ABTB2: variants seen among roughly 807,000 people sequenced by gnomAD.
The protein encoded by ABTB2 is ankyrin repeat and BTB/POZ domain-containing protein 2.
Under a neutral mutation model 104.1 loss-of-function variants are expected in ABTB2, and 56 were observed. The observed-to-expected ratio is 0.54, with a 90% CI of 0.43 to 0.67. ABTB2 has a LOEUF of 0.67. ABTB2 is among the 30% of genes least tolerant of loss of function. The probability of loss-of-function intolerance (pLI) is 0.00; values close to 1 mark genes in which losing one functional copy is unlikely to be tolerated. For synonymous variants in ABTB2, 606 were observed against 608.2 expected, an observed-to-expected ratio of 1.00 and a Z score of 0.05; for missense variants, 1,279 against 1,407.7, an observed-to-expected ratio of 0.91 and a Z score of 1.46.
chr11:34,188,596 G>C (rs545702352), intron 3 of ABTB2, among the ~76,000 whole-genome samples: 1 of 152,234 alleles, frequency 6.6e-6, no homozygotes, highest in Admixed American at 6.5e-5. Flanking sequence ...CTTCCATTTT[G>C]GGTAAACAGA....
intron 1 of ABTB2, among the ~76,000 whole-genome samples, chr11:34,232,576 C>T (rs906672769): frequency 6.6e-6 from 1 of 152,160 alleles, no homozygotes; most frequent in African/African-American, 2.4e-5. Flanking sequence ...CTTCTGAAGC[C>T]CCACCACAAT....
intron 1 of ABTB2, among the ~76,000 whole-genome samples, chr11:34,219,350 A>G (rs911499): frequency 0.77 from 116,265 of 151,962 alleles, 44,935 homozygotes; most frequent in East Asian, 0.86. Context: ...TTCAAAGCCA[A>G]CCTGGGCAAC....
At chr11:34,196,118 C>A (rs190722605) in intron 3 of ABTB2, among the ~76,000 whole-genome samples, 1 of 152,178 alleles carries the variant, frequency 6.6e-6, no homozygotes, top group African/African-American at 2.4e-5. Flanking sequence ...CATGGACAGA[C>A]CTTACCTTAA....
At chr11:34,197,569 G>A (rs1440949777) in intron 2 of ABTB2, 31 bp from the exon 3 acceptor site, 9 of 1,431,336 alleles carry the variant, frequency 6.3e-6, no homozygotes, top group African/African-American at 2.8e-5. Context: ...CAGAGGGGAG[G>A]AAGAGAAAAA....
chr11:34,313,273 G>T (rs1854880657), intron 1 of ABTB2, among the ~76,000 whole-genome samples: 1 of 152,220 alleles, frequency 6.6e-6, no homozygotes, highest in Non-Finnish European at 1.5e-5. Flanking sequence ...CGCTTCTGGT[G>T]CTGGCTCTGA....
At chr11:34,221,771 G>C (rs1389022283) in intron 1 of ABTB2, among the ~76,000 whole-genome samples, 1 of 152,232 alleles carries the variant, frequency 6.6e-6, no homozygotes, top group Non-Finnish European at 1.5e-5. Flanking sequence ...GGGTGCAGTG[G>C]GTCATGCCTA....
chr11:34,216,319 C>A (rs994012354), intron 1 of ABTB2, among the ~76,000 whole-genome samples: 2 of 152,174 alleles, frequency 1.3e-5, no homozygotes, highest in African/African-American at 2.4e-5. Flanking sequence ...CTGTGCTCTG[C>A]CTATTCATCC....
chr11:34,347,411 G>A (rs765532244), intron 1 of ABTB2, among the ~76,000 whole-genome samples: 68 of 152,090 alleles, frequency 4.5e-4, no homozygotes, highest in Admixed American at 1.9e-3. Flanking sequence ...ACTCCAACCT[G>A]GGTGACAGAG....
intron 1 of ABTB2, among the ~76,000 whole-genome samples, chr11:34,331,156 G>A (rs911037898): frequency 1.8e-4 from 27 of 152,298 alleles, no homozygotes; most frequent in African/African-American, 6.5e-4. Context: ...TTCCTTCCAC[G>A]TGTTGAAGAA....
At chr11:34,283,012 C>T (rs1014821036) in intron 1 of ABTB2, among the ~76,000 whole-genome samples, 1 of 150,126 alleles carries the variant, frequency 6.7e-6, no homozygotes, top group African/African-American at 2.5e-5. Context: ...GGGTTCACGC[C>T]ATTCCCCAGC....
chr11:34,263,924 T>C (rs1213279335), intron 1 of ABTB2, among the ~76,000 whole-genome samples: 1 of 152,180 alleles, frequency 6.6e-6, no homozygotes, highest in Non-Finnish European at 1.5e-5. Context: ...ACCCATCTGC[T>C]AACAAGGCTG....
rs1852554174 is a variant in ABTB2, at chr11:34,152,345, C to T, written c.*42G>A. ...CATACCCCGACATGGTGGGCCCTGG[C>T]ACCTCCACAGGCCCTGGCCTCGGCA... On this transcript the variant is annotated 3_prime_UTR_variant, in exon 17 of 17. Transcript: ENST00000435224. 1.3e-6 allele frequency: 2 copies of T among 1,530,762 alleles called. No homozygotes were observed. The highest frequency in any genetic ancestry group is 1.8e-6 in the Non-Finnish European group (2 of 1,136,688). The allele number at this position is 1,530,762 out of a possible 1,614,324, so 94.8% of individuals were successfully genotyped here.
intron 1 of ABTB2, among the ~76,000 whole-genome samples, chr11:34,246,227 C>T (rs1400265981): frequency 6.6e-6 from 1 of 152,130 alleles, no homozygotes; most frequent in East Asian, 1.9e-4. Flanking sequence ...CCTAAACCCA[C>T]AGAGTTCAAC....
Position 34,357,559 on chromosome 11 carries a change from G to T in ABTB2, c.25C>A (p.Leu9Met). 1 of 1,525,950 alleles carries T rather than the reference G, an allele frequency of 6.6e-7. No individual in the cohort carries two copies. Among genetic ancestry groups the T allele is most frequent in the Non-Finnish European group, 8.8e-7 (1 of 1,138,500 alleles). The allele number at this position is 1,525,950 out of a possible 1,614,324, so 94.5% of individuals were successfully genotyped here. The change falls in exon 1 of 17, where the codon CTG becomes ATG. Residue 9 changes from leucine (L) to methionine (M), a missense_variant. Physicochemically the swap from Leu to Met is conservative, Grantham distance 15. Transcript: ENST00000435224. The stretch of plus-strand genomic sequence containing the variant: ...AAGGTCAAGTCCTCCAGCGTCTTCA[G>T]AGTCGAGCTGTACGTCCCGGCCATG... MAGTYSST[L>M]KTLEDLTLDS...
intron 1 of ABTB2, among the ~76,000 whole-genome samples, chr11:34,228,184 T>A (rs71481002): frequency 4.4e-5 from 3 of 68,022 alleles, no homozygotes; most frequent in East Asian, 4.6e-4. Context: ...CTCAGCCACC[T>A]GAGTATCTGG....
chr11:34,232,441 C>T (rs1375170522), intron 1 of ABTB2, among the ~76,000 whole-genome samples: 2 of 86,436 alleles, frequency 2.3e-5, no homozygotes, highest in Admixed American at 1.0e-4. Context: ...TAGAGGGAGA[C>T]TCTGTCTCAA....
At chr11:34,346,065 T>C (rs1195681704) in intron 1 of ABTB2, among the ~76,000 whole-genome samples, 1 of 152,146 alleles carries the variant, frequency 6.6e-6, no homozygotes, top group Non-Finnish European at 1.5e-5. Flanking sequence ...CCTCGGAGCA[T>C]GGAGCTCCAT....
chr11:34,213,696 A>G (rs552450333), intron 1 of ABTB2, among the ~76,000 whole-genome samples: 2 of 152,234 alleles, frequency 1.3e-5, no homozygotes, highest in South Asian at 2.1e-4. Flanking sequence ...ATAAAATGCC[A>G]TCTGCTCACT....
intron 14 of ABTB2, 105 bp downstream of exon 14, chr11:34,159,191 T>C: frequency 1.2e-6 from 1 of 817,874 alleles, no homozygotes; most frequent in Non-Finnish European, 2.0e-6. Context: ...CAGAAGGCAC[T>C]GGGAATAGAG....
Sources: allele counts gnomAD v4.1 joint callset (sites outside exome capture counted in the v4.1 genomes callset), GRCh38; gene constraint gnomAD v4.1.1; transcripts MANE v1.5; gene names NCBI Gene and HGNC (gene_info 2026-07-23, HGNC 2026-07-21).